The following PLCXD3 variants were observed in gnomAD, a reference collection of about 807,000 sequenced individuals.
The protein encoded by PLCXD3 is PI-PLC X domain-containing protein 3.
A neutral mutation model predicts 25.5 loss-of-function variants in PLCXD3; 19 were observed. That is an observed-to-expected ratio of 0.75 (90% CI 0.52 to 1.09). The LOEUF is 1.09. PLCXD3 is among the 50% of genes least tolerant of loss of function. PLCXD3 has a pLI of 0.00. For missense variants in PLCXD3, 411 were observed against 388.1 expected (o/e 1.06, Z -0.50); for synonymous variants, 174 against 137.6 (o/e 1.26, Z -1.85).
At chr5:41,353,810 G>A (rs751559664) in intron 2 of PLCXD3, among the ~76,000 whole-genome samples, 3 of 152,162 alleles carry the variant, frequency 2.0e-5, no homozygotes, top group Non-Finnish European at 2.9e-5. Context: ...GTAGAGACAC[G>A]TTTTCTCTGG....
intron 1 of PLCXD3, among the ~76,000 whole-genome samples, chr5:41,420,318 A>T (rs1229999309): frequency 1.3e-5 from 2 of 152,326 alleles, no homozygotes; most frequent in African/African-American, 4.8e-5. Context: ...TGCTCGTTTA[A>T]CTTTTCCTCA....
chr5:41,482,426 A>G (rs2150523188), intron 1 of PLCXD3, among the ~76,000 whole-genome samples: 1 of 152,300 alleles, frequency 6.6e-6, no homozygotes, highest in East Asian at 1.9e-4. Flanking sequence ...GAGAGTTTCA[A>G]TATAAAGAAT....
chr5:41,381,417 GC>G (rs1253265421), intron 2 of PLCXD3, among the ~76,000 whole-genome samples: 1 of 152,062 alleles, frequency 6.6e-6, no homozygotes, highest in African/African-American at 2.4e-5. Flanking sequence ...ATTAGAGCAG[GC>G]CCTAATTCAA....
At chr5:41,482,421 T>C (rs1212923257) in intron 1 of PLCXD3, among the ~76,000 whole-genome samples, 1 of 151,744 alleles carries the variant, frequency 6.6e-6, no homozygotes. Context: ...AGGAAGAGAG[T>C]TTCAATATAA....
At chr5:41,411,565 C>A (rs1260859253) in intron 1 of PLCXD3, among the ~76,000 whole-genome samples, 1 of 152,036 alleles carries the variant, frequency 6.6e-6, no homozygotes, top group South Asian at 2.1e-4. Flanking sequence ...CTGGCACAAA[C>A]AAACAAACTG....
chr5:41,497,326 T>C (rs1414184310), intron 1 of PLCXD3, among the ~76,000 whole-genome samples: 1 of 151,784 alleles, frequency 6.6e-6, no homozygotes, highest in Non-Finnish European at 1.5e-5. Context: ...AGGCTGAAAG[T>C]GAATAGAAAA....
In PLCXD3 at chr5:41,510,449, G is replaced by T. The variant is rs767553643; in HGVS notation, c.78C>A (p.Ile26=). The change falls in exon 1 of 3, where the codon ATC becomes ATA. Residue 26 remains isoleucine (I), a synonymous_variant. Transcript: ENST00000377801. The part of the protein sequence containing the change: ...MATLPESMHS[I]PLTNLAIPGS... ...CTGGAATGGCTAAATTGGTGAGGGG[G>T]ATGCTGTGCATGCTCTCCGGCAGAG... The T allele has an allele frequency of 4.0e-5, 65 of 1,610,380 alleles. No homozygotes were observed. In the South Asian group the frequency reaches 6.7e-4, roughly 17 times the overall value.
At chr5:41,437,891 T>G (rs1226385304) in intron 1 of PLCXD3, among the ~76,000 whole-genome samples, 1 of 152,200 alleles carries the variant, frequency 6.6e-6, no homozygotes, top group East Asian at 1.9e-4. Flanking sequence ...CATCAACATG[T>G]GATAAATACT....
chr5:41,494,515 T>C (rs1043576290), intron 1 of PLCXD3, among the ~76,000 whole-genome samples: 1 of 152,208 alleles, frequency 6.6e-6, no homozygotes, highest in African/African-American at 2.4e-5. Flanking sequence ...CACTCCTAGA[T>C]TTTGGGCTTG....
intron 2 of PLCXD3, among the ~76,000 whole-genome samples, chr5:41,350,863 T>C (rs1309930415): frequency 6.6e-6 from 1 of 152,196 alleles, no homozygotes; most frequent in Non-Finnish European, 1.5e-5. Flanking sequence ...GTTTTTTGTT[T>C]CCTGTTTGTA....
intron 1 of PLCXD3, among the ~76,000 whole-genome samples, chr5:41,390,720 GA>G (rs144081077): frequency 2.7e-5 from 4 of 150,188 alleles, no homozygotes; most frequent in South Asian, 4.2e-4. Flanking sequence ...TATCTACACA[GA>G]AAAAAAAACA....
At chr5:41,442,122 C>A (rs1747398065) in intron 1 of PLCXD3, among the ~76,000 whole-genome samples, 1 of 152,210 alleles carries the variant, frequency 6.6e-6, no homozygotes, top group Admixed American at 6.5e-5. Flanking sequence ...CAATTTAAAT[C>A]ATCCCATATA....
At chr5:41,365,423 G>A (rs1332318625) in intron 2 of PLCXD3, among the ~76,000 whole-genome samples, 2 of 152,132 alleles carry the variant, frequency 1.3e-5, no homozygotes, top group Non-Finnish European at 2.9e-5. Context: ...GTCAACTACA[G>A]ATAATTTTAG....
At chr5:41,439,376 C>T (rs1383126416) in intron 1 of PLCXD3, among the ~76,000 whole-genome samples, 1 of 152,096 alleles carries the variant, frequency 6.6e-6, no homozygotes, top group African/African-American at 2.4e-5. Context: ...CTGCATTTCC[C>T]AATGCATCCA....
intron 1 of PLCXD3, among the ~76,000 whole-genome samples, chr5:41,455,341 G>C (rs542068331): frequency 6.6e-6 from 1 of 151,810 alleles, no homozygotes; most frequent in Non-Finnish European, 1.5e-5. Flanking sequence ...TTATTCTTCC[G>C]TTAACCTGAC....
At chr5:41,402,227 A>G (rs1746207149) in intron 1 of PLCXD3, among the ~76,000 whole-genome samples, 1 of 151,802 alleles carries the variant, frequency 6.6e-6, no homozygotes, top group South Asian at 2.1e-4. Flanking sequence ...ATTTAATGAT[A>G]GCTTTTTCTC....
chr5:41,397,892 C>A (rs1210565793), intron 1 of PLCXD3, among the ~76,000 whole-genome samples: 2 of 152,156 alleles, frequency 1.3e-5, no homozygotes, highest in African/African-American at 2.4e-5. Flanking sequence ...GGTCCTGTAA[C>A]CCCTTTGTTT....
chr5:41,378,338 T>G (rs959361771), intron 2 of PLCXD3, among the ~76,000 whole-genome samples: 2 of 152,102 alleles, frequency 1.3e-5, no homozygotes, highest in Non-Finnish European at 2.9e-5. Context: ...GTCTTTCTAG[T>G]ACTTCTGAGG....
rs70988846 is a variant in PLCXD3, at chr5:41,440,215, A to ATTTTTTTTTTTT, written c.104-57693_104-57682dup. Among the ~76,000 whole-genome samples the ATTTTTTTTTTTT allele has an allele frequency of 1.1e-3, 45 of 41,080 alleles. 7 individuals carry two copies. The highest frequency in any genetic ancestry group is 4.5e-3 in the African/African-American group (43 of 9,610). The allele number at this position is 41,080 out of a possible 152,430, so 27.0% of individuals were successfully genotyped here. A position where few individuals can be genotyped will look rare whatever the true frequency, so the allele number is the denominator to read the frequency against. On this transcript the variant is annotated intron_variant, in intron 1 of 2. Coordinates refer to ENST00000377801, the MANE Select transcript of PLCXD3 (RefSeq NM_001005473.3). ...TCTGAGCAAATTACATAATCTCTCA[A>ATTTTTTTTTTTT]TTTTTTTTTTTTTTTTTTTTTTTTT...
Sources: allele counts gnomAD v4.1 joint callset (sites outside exome capture counted in the v4.1 genomes callset), GRCh38; gene constraint gnomAD v4.1.1; transcripts MANE v1.5; gene names NCBI Gene and HGNC (gene_info 2026-07-23, HGNC 2026-07-21).